TMEM192: variants seen among roughly 807,000 people sequenced by gnomAD.
TMEM192 encodes transmembrane protein 192.
In TMEM192, 20 loss-of-function variants were observed where a neutral mutation model predicts 26.7. That is an observed-to-expected ratio of 0.75 (90% CI 0.53 to 1.09). The LOEUF (loss-of-function observed/expected upper bound fraction) is 1.09, where lower values mean the gene tolerates loss of function less well. Ranked by LOEUF, TMEM192 falls within the 50% of genes least tolerant of loss-of-function variation. The probability of loss-of-function intolerance (pLI) is 0.00; values close to 1 mark genes in which losing one functional copy is unlikely to be tolerated. For missense variants in TMEM192, 304 were observed against 322.6 expected, an observed-to-expected ratio of 0.94 and a Z score of 0.44; for synonymous variants, 124 against 121.0, an observed-to-expected ratio of 1.02 and a Z score of -0.16.
At chr4:165,107,924 T>C (rs927560695) in intron 1 of TMEM192, among the ~76,000 whole-genome samples, 2 of 152,172 alleles carry the variant, frequency 1.3e-5, no homozygotes, top group Admixed American at 6.6e-5. Flanking sequence ...CTTCTAAATA[T>C]ATAGAAGACA....
At chr4:165,095,653 G>C (rs1340427483) in intron 3 of TMEM192, among the ~76,000 whole-genome samples, 1 of 152,188 alleles carries the variant, frequency 6.6e-6, no homozygotes, top group Non-Finnish European at 1.5e-5. Flanking sequence ...GCCCCAGAGA[G>C]ACTGACTGGA....
rs1308078055 is a variant in TMEM192, at chr4:165,076,390, T to C, written c.*3268A>G. ...TGAAATGCTTCAGAGGATCCCATTA[T>C]CAACAAGATAAAGTGCAGTCTTCCA... On this transcript the variant is annotated 3_prime_UTR_variant, in exon 6 of 6. Coordinates refer to ENST00000306480, the MANE Select transcript of TMEM192 (RefSeq NM_001100389.2). The C allele has an allele frequency of 6.6e-6, 1 of 152,198 alleles. No homozygotes were observed. The highest frequency in any genetic ancestry group is 1.5e-5 in the Non-Finnish European group (1 of 68,046). The allele number at this position is 152,198 out of a possible 1,614,324, so 9.4% of individuals were successfully genotyped here.
In TMEM192 at chr4:165,088,453, C is replaced by T. The variant is rs371607978; in HGVS notation, c.574+15G>A. 15 of 1,607,824 alleles carry T rather than the reference C, an allele frequency of 9.3e-6. No individual in the cohort carries two copies. Among genetic ancestry groups the T allele is most frequent in the Admixed American group, 5.1e-5 (3 of 59,136 alleles). On this transcript the variant is annotated intron_variant, in intron 4 of 5. Transcript: ENST00000306480. The stretch of plus-strand genomic sequence containing the variant: ...TTCGAAGTTCCTATAAGAACAGGCT[C>T]GTTGTAATTCTCACCTGTGTAAATG...
rs148051320 is a variant in TMEM192 at position 165,095,499 on chromosome 4, C to G, written c.439+5129G>C. ...TCCCAAAGAATGTGGGCCATGAGAA[C>G]TAGAGGTGAGCAGGAAGGACACAAT... On this transcript the variant is annotated intron_variant, in intron 3 of 5. Coordinates refer to ENST00000306480, the MANE Select transcript of TMEM192 (RefSeq NM_001100389.2). 8.0e-3 allele frequency among the ~76,000 whole-genome samples: 1,224 copies of G among 152,212 alleles called. 11 individuals are homozygous for G. Among genetic ancestry groups the G allele is most frequent in the African/African-American group, 0.028 (1,158 of 41,550 alleles).
intron 3 of TMEM192, among the ~76,000 whole-genome samples, chr4:165,100,064 A>G (rs1408875851): frequency 5.3e-5 from 8 of 152,200 alleles, no homozygotes; most frequent in Non-Finnish European, 4.4e-5. Flanking sequence ...AAAAGAGGGT[A>G]TAATTCCACA....
chr4:165,106,992 C>T (rs1239887148), intron 1 of TMEM192, among the ~76,000 whole-genome samples: 2 of 152,014 alleles, frequency 1.3e-5, no homozygotes, highest in Admixed American at 6.6e-5. Flanking sequence ...TACAATCTGT[C>T]CCCAAGTAAC....
rs1734446950 is a variant in TMEM192 at position 165,078,767 on chromosome 4, C to T, written c.*891G>A. ...TCTAACACTGGTCCAAGTAATCAATCATCATATCTTATTTCTTTTCTTTTT... is the reference window on the plus strand; with the variant it reads ...TCTAACACTGGTCCAAGTAATCAATTATCATATCTTATTTCTTTTCTTTTT... On this transcript the variant is annotated 3_prime_UTR_variant, in exon 6 of 6. Coordinates refer to ENST00000306480, the MANE Select transcript of TMEM192 (RefSeq NM_001100389.2). The T allele has an allele frequency of 6.6e-6, 1 of 152,260 alleles. No homozygotes were observed. Among genetic ancestry groups the T allele is most frequent in the Non-Finnish European group, 1.5e-5 (1 of 68,114 alleles). The allele number at this position is 152,260 out of a possible 1,614,324, so 9.4% of individuals were successfully genotyped here.
intron 5 of TMEM192, among the ~76,000 whole-genome samples, chr4:165,081,361 CTTTTTTTTTTTTGAGACCGAGTCTCTAT>C: frequency 7.0e-6 from 1 of 142,458 alleles, no homozygotes. Flanking sequence ...TATATACTGA[CTTTTTTTTTTTTGAGACCGAGTCTCTAT>C]TTTTTTTTTT....
In TMEM192 at chr4:165,100,763, T is replaced by C; in HGVS notation, c.304A>G (p.Ile102Val). The C allele has an allele frequency of 1.2e-6, 2 of 1,614,050 alleles. No homozygotes were observed. Among genetic ancestry groups the C allele is most frequent in the African/African-American group, 1.3e-5 (1 of 75,018 alleles). The stretch of plus-strand genomic sequence containing the variant: ...AGGAGTAAATGGAGAATCCACAAAA[T>C]AACTTTCCCAAGGATTATAACCGTC... ...VQTVIILGKV[I>V]LWILHLLLEC... Residue 102 changes from isoleucine (I) to valine (V), a missense_variant, in exon 3 of 6, where the codon ATT becomes GTT. By Grantham distance (29) the Ile-to-Val change is conservative. Coordinates refer to ENST00000306480, the MANE Select transcript of TMEM192 (RefSeq NM_001100389.2).
At position 165,075,633 on chromosome 4, in the gene TMEM192, G is replaced by A. The variant is rs1039629036; in HGVS notation, c.*4025C>T. On this transcript the variant is annotated 3_prime_UTR_variant, in exon 6 of 6. Transcript: ENST00000306480. ...GGCCCAGGCTAGAGTACAGTGGCGT[G>A]ATCTTGCCTCACTGCAACCTCCACC... 7.1e-6 allele frequency: 1 copy of A among 141,792 alleles called. No individual in the cohort carries two copies. The highest frequency in any genetic ancestry group is 2.6e-5 in the African/African-American group (1 of 38,160). The allele number at this position is 141,792 out of a possible 1,614,324, so 8.8% of individuals were successfully genotyped here. A position where few individuals can be genotyped will look rare whatever the true frequency, so the allele number is the denominator to read the frequency against.
rs182852004 is a variant in TMEM192 at position 165,095,311 on chromosome 4, T to C, written c.439+5317A>G. ...CTGATTTTCAATTCCAGGCACATGC[T>C]ATGCAGCCCCTCCTCTAAACAAAAC... On this transcript the variant is annotated intron_variant, in intron 3 of 5. Coordinates refer to ENST00000306480, the MANE Select transcript of TMEM192 (RefSeq NM_001100389.2). Among the ~76,000 whole-genome samples, 7 of 152,308 alleles carry C rather than the reference T, an allele frequency of 4.6e-5. 1 individual carries two copies. In the East Asian group the frequency reaches 1.2e-3, roughly 25 times the overall value.
At chr4:165,109,236 T>C (rs1428094314) in intron 1 of TMEM192, among the ~76,000 whole-genome samples, 12 of 152,234 alleles carry the variant, frequency 7.9e-5, no homozygotes, top group Non-Finnish European at 1.6e-4. Flanking sequence ...TCTTTTATAT[T>C]ATGTCCTTTG....
Position 165,097,367 on chromosome 4 carries a change from G to C in TMEM192, c.439+3261C>G, listed in dbSNP as rs533372838. Reference sequence around the variant, plus strand: ...AAATTAGCCAGGCGTGGTGGCGGGCGAATGCAGTCCCAGCTACTCGGGAGG... The same window carrying C: ...AAATTAGCCAGGCGTGGTGGCGGGCCAATGCAGTCCCAGCTACTCGGGAGG... On this transcript the variant is annotated intron_variant, in intron 3 of 5. Transcript: ENST00000306480. Among the ~76,000 whole-genome samples, 489 of 151,870 alleles carry C rather than the reference G, an allele frequency of 3.2e-3. 4 individuals carry two copies. Among genetic ancestry groups the C allele is most frequent in the African/African-American group, 0.011 (451 of 41,444 alleles).
intron 3 of TMEM192, among the ~76,000 whole-genome samples, chr4:165,090,912 A>AAAAAAAAAAAAAG (rs1734744780): frequency 6.8e-6 from 1 of 148,140 alleles, no homozygotes; most frequent in Non-Finnish European, 1.5e-5. Flanking sequence ...CTCTGTCTCA[A>AAAAAAAAAAAAAG]AAAAAAAAAA....
chr4:165,090,301 T>C (rs993740066), intron 3 of TMEM192, among the ~76,000 whole-genome samples: 21 of 150,574 alleles, frequency 1.4e-4, no homozygotes, highest in African/African-American at 5.1e-4. Flanking sequence ...TAGAATTGCT[T>C]GAACCCGGGG....
At chr4:165,105,833 G>T (rs956843299) in intron 1 of TMEM192, among the ~76,000 whole-genome samples, 2 of 152,122 alleles carry the variant, frequency 1.3e-5, no homozygotes, top group Non-Finnish European at 2.9e-5. Flanking sequence ...CCCCGCTATG[G>T]TCTAAATGTT....
chr4:165,091,243 G>A (rs188256052), intron 3 of TMEM192, among the ~76,000 whole-genome samples: 2 of 152,188 alleles, frequency 1.3e-5, no homozygotes, highest in Admixed American at 1.3e-4. Flanking sequence ...ACTCCAGCCT[G>A]GGTGACAGAG....
intron 3 of TMEM192, among the ~76,000 whole-genome samples, chr4:165,096,281 G>A (rs1396873783): frequency 3.3e-5 from 5 of 151,888 alleles, no homozygotes; most frequent in Non-Finnish European, 7.4e-5. Flanking sequence ...GGTGGTGCGT[G>A]CCTGTAGTCT....
chr4:165,093,721 C>A (rs1177509310), intron 3 of TMEM192, among the ~76,000 whole-genome samples: 1 of 152,082 alleles, frequency 6.6e-6, no homozygotes, highest in African/African-American at 2.4e-5. Context: ...TACAGTTATA[C>A]AGTAATAGTC....
Sources: gnomAD v4.1 joint callset for allele counts (sites outside exome capture counted in the v4.1 genomes callset) on GRCh38, gnomAD v4.1.1 for gene constraint, MANE v1.5 for transcripts, NCBI Gene and HGNC (gene_info 2026-07-23, HGNC 2026-07-21) for gene names.